The following DCDC2 variants were observed in gnomAD, a reference collection of about 807,000 sequenced individuals.
DCDC2 encodes doublecortin domain containing 2, also known as doublecortin domain-containing protein 2.
DCDC2 carries 40 observed loss-of-function variants against 50.2 expected under a neutral mutation model. The observed-to-expected ratio is 0.80, with a 90% CI of 0.62 to 1.04. The LOEUF (loss-of-function observed/expected upper bound fraction) is 1.04. Among genes scored for constraint, DCDC2 ranks in the 50% least tolerant of loss-of-function variants. DCDC2 has a pLI of 0.00. For synonymous variants in DCDC2, 234 were observed against 210.6 expected (o/e 1.11, Z -0.96); for missense variants, 570 against 581.9 (o/e 0.98, Z 0.21).
At chr6:24,239,492 CA>C (rs1762522800) in intron 7 of DCDC2, among the ~76,000 whole-genome samples, 2 of 152,208 alleles carry the variant, frequency 1.3e-5, no homozygotes, top group African/African-American at 4.8e-5. Flanking sequence ...CTTCTGGTAA[CA>C]AGCACTGCCC....
rs1388683622 is a variant in DCDC2 at position 24,357,858 on chromosome 6, C to T, written c.-108G>A. On this transcript the variant is annotated 5_prime_UTR_variant, in exon 1 of 10. Coordinates refer to ENST00000378454, the MANE Select transcript of DCDC2 (RefSeq NM_016356.5). ...GCGCGGGATCGCCTCCTGAAACGAA[C>T]GAGAAACTGACGAATCCACAGGTGA... 1.9e-6 allele frequency: 3 copies of T among 1,585,544 alleles called. No homozygotes were observed. The highest frequency in any genetic ancestry group is 2.7e-5 in the African/African-American group (2 of 74,198).
chr6:24,353,704 AT>A (rs1249157544), intron 1 of DCDC2, 81 bp from the exon 2 acceptor site: 8 of 883,060 alleles, frequency 9.1e-6, no homozygotes, highest in African/African-American at 1.7e-5. Flanking sequence ...TCATAAAAAA[AT>A]AAAGCAACTC....
chr6:24,210,412 A>C (rs970246001), intron 7 of DCDC2, among the ~76,000 whole-genome samples: 1 of 152,136 alleles, frequency 6.6e-6, no homozygotes, highest in Non-Finnish European at 1.5e-5. Flanking sequence ...TCCCCACCCT[A>C]AACTGCTCAT....
intron 7 of DCDC2, among the ~76,000 whole-genome samples, chr6:24,263,217 G>A (rs1763050983): frequency 6.6e-6 from 1 of 152,190 alleles, no homozygotes; most frequent in Non-Finnish European, 1.5e-5. Flanking sequence ...CAAAGACTTA[G>A]ATTACAACAC....
At chr6:24,302,082 C>G in intron 2 of DCDC2, 38 bp from the exon 3 acceptor site, 1 of 1,538,010 alleles carries the variant, frequency 6.5e-7, no homozygotes, top group Non-Finnish European at 8.8e-7. Context: ...AACCACTAAG[C>G]TTATATTAGC....
intron 4 of DCDC2, among the ~76,000 whole-genome samples, chr6:24,291,328 C>G (rs1267043705): frequency 3.3e-5 from 5 of 152,104 alleles, no homozygotes; most frequent in African/African-American, 1.2e-4. Flanking sequence ...GGGTTTCACC[C>G]CAGTGAGTCT....
upstream of DCDC2, among the ~76,000 whole-genome samples, chr6:24,359,290 T>A (rs1490626265): frequency 3.6e-4 from 19 of 52,150 alleles, no homozygotes; most frequent in Admixed American, 1.0e-3. Flanking sequence ...TATTATATAT[T>A]TTATATTTTT....
chr6:24,321,072 A>C (rs1433240824), intron 2 of DCDC2, among the ~76,000 whole-genome samples: 1 of 152,196 alleles, frequency 6.6e-6, no homozygotes, highest in Non-Finnish European at 1.5e-5. Context: ...TGATATTATT[A>C]GATTTTAACA....
chr6:24,309,377 T>G (rs1410521731), intron 2 of DCDC2, among the ~76,000 whole-genome samples: 1 of 150,976 alleles, frequency 6.6e-6, no homozygotes, highest in African/African-American at 2.4e-5. Context: ...AAAATAATAA[T>G]GATGATTCAT....
rs551482825 is a variant in DCDC2 at position 24,182,618 on chromosome 6, TATG to T, written c.1024-3989_1024-3987del. On this transcript the variant is annotated intron_variant, in intron 8 of 9. Transcript: ENST00000378454. ...CAATAAGATACTACCTAACACCCAT[TATG>T]ATGACAAGAAAAAAAAAAAAAAACA... Among the ~76,000 whole-genome samples, 13 of 17,390 alleles carry T rather than the reference TATG, an allele frequency of 7.5e-4. No individual in the cohort carries two copies. The South Asian group carries it at 0.038, about 51-fold the overall frequency. The allele number at this position is 17,390 out of a possible 152,430, so 11.4% of individuals were successfully genotyped here.
At chr6:24,302,632 T>C (rs1759402670) in intron 2 of DCDC2, among the ~76,000 whole-genome samples, 1 of 151,638 alleles carries the variant, frequency 6.6e-6, no homozygotes, top group African/African-American at 2.4e-5. Flanking sequence ...ACTGGGTAGA[T>C]GTGATCACCT....
At chr6:24,236,881 G>A (rs574396601) in intron 7 of DCDC2, among the ~76,000 whole-genome samples, 3 of 152,036 alleles carry the variant, frequency 2.0e-5, no homozygotes, top group East Asian at 3.9e-4. Flanking sequence ...ATGGTGGCAG[G>A]CACCTGTAAT....
chr6:24,329,421 T>C (rs1175045083), intron 2 of DCDC2, among the ~76,000 whole-genome samples: 1 of 152,128 alleles, frequency 6.6e-6, no homozygotes, highest in African/African-American at 2.4e-5. Flanking sequence ...ATTGAAAGAG[T>C]AGTTGAAAAA....
At chr6:24,351,256 C>T (rs1760364888) in intron 2 of DCDC2, among the ~76,000 whole-genome samples, 2 of 152,094 alleles carry the variant, frequency 1.3e-5, no homozygotes, top group South Asian at 2.1e-4. Context: ...GGTCATGGTG[C>T]GAACTTTGGG....
intron 8 of DCDC2, among the ~76,000 whole-genome samples, chr6:24,187,067 T>G (rs1458903713): frequency 6.6e-6 from 1 of 152,118 alleles, no homozygotes; most frequent in South Asian, 2.1e-4. Flanking sequence ...CCTAGCAAAC[T>G]AATATACTAA....
Position 24,178,491 on chromosome 6 carries a change from C to G in DCDC2, c.1165G>C (p.Glu389Gln). The change falls in exon 9 of 10, where the codon GAG becomes CAG. Residue 389 changes from glutamate (E) to glutamine (Q), a missense_variant. Physicochemically the swap from Glu to Gln is conservative, Grantham distance 29. Coordinates refer to ENST00000378454, the MANE Select transcript of DCDC2 (RefSeq NM_016356.5). Reference sequence around the variant, plus strand: ...TGCTCACTGTGATCCAGAATCTCCTCGACTTGCTCAGGGGCATCTGTAGCC... The same window carrying G: ...TGCTCACTGTGATCCAGAATCTCCTGGACTTGCTCAGGGGCATCTGTAGCC... Reference protein sequence around the residue: ...REATDAPEQVEEILDHSEQQA... With the variant: ...REATDAPEQVQEILDHSEQQA... 6.2e-7 allele frequency: 1 copy of G among 1,614,166 alleles called. No individual in the cohort carries two copies. Among genetic ancestry groups the G allele is most frequent in the Non-Finnish European group, 8.5e-7 (1 of 1,180,032 alleles).
intron 7 of DCDC2, among the ~76,000 whole-genome samples, chr6:24,232,584 T>C (rs1331600381): frequency 6.6e-6 from 1 of 152,182 alleles, no homozygotes; most frequent in Non-Finnish European, 1.5e-5. Flanking sequence ...GTTGAACAAT[T>C]TGCCCAAGGC....
intron 7 of DCDC2, among the ~76,000 whole-genome samples, chr6:24,234,022 A>G (rs1561900583): frequency 6.6e-6 from 1 of 152,234 alleles, no homozygotes; most frequent in Non-Finnish European, 1.5e-5. Context: ...TGAGAGATGC[A>G]CATAAAATGC....
chr6:24,364,033 C>T, the DCDC2 span, among the ~76,000 whole-genome samples: 2 of 152,112 alleles, frequency 1.3e-5, no homozygotes, highest in Admixed American at 6.6e-5. Context: ...AAAGTGAAGA[C>T]TTGTACCATC....
Sources: allele counts gnomAD v4.1 joint callset (sites outside exome capture counted in the v4.1 genomes callset), GRCh38; gene constraint gnomAD v4.1.1; transcripts MANE v1.5; gene names NCBI Gene and HGNC (gene_info 2026-07-23, HGNC 2026-07-21).